ATP11C: variants seen among roughly 807,000 people sequenced by gnomAD.
The protein encoded by ATP11C is ATPase phospholipid transporting 11C (ATP11C blood group).
In ATP11C, 36 loss-of-function variants were observed where a neutral mutation model predicts 97.4. The ratio of observed to expected loss-of-function variants is 0.37; its 90% confidence interval spans 0.28 to 0.49. The LOEUF (loss-of-function observed/expected upper bound fraction) is 0.49. Ranked by LOEUF, ATP11C falls within the 20% of genes least tolerant of loss-of-function variation. The pLI is 0.98. For synonymous variants in ATP11C, 275 were observed against 290.9 expected (o/e 0.95, Z 0.56); for missense variants, 730 against 824.6 (o/e 0.89, Z 1.40).
chrX:139,767,233 T>C (rs1280682347), intron 20 of ATP11C, among the ~76,000 whole-genome samples: 2 of 111,236 alleles, frequency 1.8e-5, no homozygotes. Flanking sequence ...AGATTAAAAA[T>C]GGGTGGGTGA....
chrX:139,745,938 AT>A (rs2081675380), intron 24 of ATP11C, 81 bp from the exon 25 acceptor site: 3 of 1,057,488 alleles, frequency 2.8e-6, no homozygotes, highest in Non-Finnish European at 3.8e-6. Flanking sequence ...TGGGCGTGGA[AT>A]TTGACCCTGT....
At chrX:139,755,653 G>A (rs914685387) in intron 23 of ATP11C, among the ~76,000 whole-genome samples, 5 of 111,061 alleles carry the variant, frequency 4.5e-5, no homozygotes, top group Non-Finnish European at 9.4e-5. Flanking sequence ...ACAGAATAGA[G>A]AGCCCGGAAA....
intron 5 of ATP11C, among the ~76,000 whole-genome samples, chrX:139,813,340 T>C (rs1490649432): frequency 8.9e-6 from 1 of 112,170 alleles, no homozygotes; most frequent in African/African-American, 3.2e-5. Flanking sequence ...TGCAAAATGA[T>C]ACAGCTACTT....
At chrX:139,777,471 T>TAA (rs1212502138) in intron 18 of ATP11C, among the ~76,000 whole-genome samples, 2 of 100,806 alleles carry the variant, frequency 2.0e-5, no homozygotes, top group East Asian at 6.1e-4. Context: ...TCCAGTCAGA[T>TAA]AAAAAAAAAA....
intron 11 of ATP11C, 46 bp downstream of exon 11, chrX:139,797,130 C>A: frequency 8.6e-7 from 1 of 1,161,919 alleles, no homozygotes. Flanking sequence ...TGAAGGTTGG[C>A]TCAGTCACAA....
chrX:139,808,264 A>G (rs1039119821), intron 5 of ATP11C, among the ~76,000 whole-genome samples: 1 of 111,792 alleles, frequency 8.9e-6, no homozygotes, highest in Admixed American at 9.5e-5. Context: ...ATCAAACAGT[A>G]TAATAGTCAT....
intron 16 of ATP11C, among the ~76,000 whole-genome samples, chrX:139,784,010 G>A (rs1314722345): frequency 1.8e-5 from 2 of 112,518 alleles, no homozygotes; most frequent in African/African-American, 6.5e-5. Flanking sequence ...TGGCTTGATA[G>A]TTTTTACTGA....
chrX:139,902,641 G>T (rs1376659101), intron 1 of ATP11C, among the ~76,000 whole-genome samples: 1 of 111,792 alleles, frequency 8.9e-6, no homozygotes, highest in African/African-American at 3.2e-5. Context: ...GGTCATGATG[G>T]ATTGTGCCTT....
At position 139,826,715 on chromosome X, in the gene ATP11C, C is replaced by T. The variant is rs1473658479; in HGVS notation, c.136G>A (p.Val46Ile). The T allele has an allele frequency of 1.7e-6, 2 of 1,204,137 alleles. No individual in the cohort carries two copies. The highest frequency in any genetic ancestry group is 4.4e-5 in the Admixed American group (2 of 45,795). Residue 46 changes from valine to isoleucine, a missense_variant, in exon 2 of 30, where the codon GTC becomes ATC. Coordinates refer to ENST00000682941, the MANE Select transcript of ATP11C (RefSeq NM_001353812.2). Reference protein sequence around the residue: ...IAQRFCDNRIVSSKYTLWNFL... With the variant: ...IAQRFCDNRIISSKYTLWNFL... ...AAACAAAAACTTACCTTAGATGAGA[C>T]TATTCTATTATCACAAAATCTTTGT...
chrX:139,749,895 A>G (rs1248160196), intron 24 of ATP11C, 130 bp downstream of exon 24: 1 of 681,970 alleles, frequency 1.5e-6, no homozygotes. Flanking sequence ...CAATAGCTAA[A>G]AATTCCAAAC....
At chrX:139,809,897 C>G (rs1381331740) in intron 5 of ATP11C, among the ~76,000 whole-genome samples, 1 of 110,437 alleles carries the variant, frequency 9.1e-6, no homozygotes, top group Non-Finnish European at 1.9e-5. Flanking sequence ...ACCCAGTAGA[C>G]AGACGTTGCG....
intron 1 of ATP11C, among the ~76,000 whole-genome samples, chrX:139,852,740 G>T (rs1016643241): frequency 9.1e-6 from 1 of 110,058 alleles, no homozygotes; most frequent in African/African-American, 3.3e-5. Flanking sequence ...GCTTAGGGCA[G>T]ATCCTGCCAT....
intron 1 of ATP11C, among the ~76,000 whole-genome samples, chrX:139,918,236 G>A (rs1234324650): frequency 8.9e-6 from 1 of 111,739 alleles, no homozygotes; most frequent in African/African-American, 3.3e-5. Flanking sequence ...CCAAGAGGTG[G>A]AAGCAATCCA....
At chrX:139,822,832 C>T in intron 2 of ATP11C, among the ~76,000 whole-genome samples, 1 of 110,315 alleles carries the variant, frequency 9.1e-6, no homozygotes, top group Non-Finnish European at 1.9e-5. Context: ...GCCACTGCAC[C>T]GGGCCTCTTT....
rs1481034691 is a variant in ATP11C, at chrX:139,814,917, T to G, written c.387A>C (p.Glu129Asp). The change falls in exon 5 of 30, where the codon GAA (glutamate) becomes GAC (aspartate). Residue 129 changes from glutamate (E) to aspartate (D), a missense_variant. By Grantham distance (45) the Glu-to-Asp change is conservative (BLOSUM62 2). Transcript: ENST00000682941. Reference protein sequence around the residue: ...EVNKSTVYIIENAKRVRKESE... With the variant: ...EVNKSTVYIIDNAKRVRKESE... Reference sequence around the variant, plus strand: ...TTTCTTTTCTCACTCGCTTTGCATTTTCAATAATGTAAACAGTGCTTTTGT... The same window carrying G: ...TTTCTTTTCTCACTCGCTTTGCATTGTCAATAATGTAAACAGTGCTTTTGT... 1.7e-6 allele frequency: 2 copies of G among 1,187,118 alleles called. No individual in the cohort carries two copies. The highest frequency in any genetic ancestry group is 6.1e-5 in the East Asian group (2 of 32,999).
chrX:139,818,693 T>C (rs1370011843), intron 3 of ATP11C, among the ~76,000 whole-genome samples: 1 of 112,196 alleles, frequency 8.9e-6, no homozygotes, highest in Non-Finnish European at 1.9e-5. Flanking sequence ...GCAACTTCAA[T>C]GGGATTTTTC....
intron 1 of ATP11C, among the ~76,000 whole-genome samples, chrX:139,859,773 T>C (rs2084151166): frequency 8.9e-6 from 1 of 112,276 alleles, no homozygotes; most frequent in Non-Finnish European, 1.9e-5. Flanking sequence ...GGTATATAAA[T>C]GCCAATTTTC....
rs757591056 is a variant in ATP11C at position 139,774,824 on chromosome X, G to T, written c.2082C>A (p.Asn694Lys). ...TTGTGGTTAGTTCTAAGAGCTCAGT[G>T]TTGGTCTGGAAAAGGCGGCAGGCAT... The part of the protein sequence containing the change: ...TCYACRLFQT[N>K]TELLELTTKT... Residue 694 changes from asparagine (N) to lysine (K), a missense_variant, in exon 19 of 30, where the codon AAC becomes AAA. Transcript: ENST00000682941. The T allele has an allele frequency of 8.3e-7, 1 of 1,211,853 alleles. No homozygotes were observed. The highest frequency in any genetic ancestry group is 1.1e-6 in the Non-Finnish European group (1 of 895,561).
chrX:139,918,671 A>G (rs1170968014), intron 1 of ATP11C, among the ~76,000 whole-genome samples: 1 of 45,381 alleles, frequency 2.2e-5, no homozygotes, highest in African/African-American at 6.3e-5. Context: ...CTGAAACCCC[A>G]TTTCAAAAAA....
Sources: gnomAD v4.1 joint callset for allele counts (sites outside exome capture counted in the v4.1 genomes callset) on GRCh38, gnomAD v4.1.1 for gene constraint, MANE v1.5 for transcripts, NCBI Gene and HGNC (gene_info 2026-07-23, HGNC 2026-07-21) for gene names.